SAMD12: variants seen among roughly 807,000 people sequenced by gnomAD.
The protein encoded by SAMD12 is sterile alpha motif domain-containing protein 12.
A neutral mutation model predicts 15.0 loss-of-function variants in SAMD12; 9 were observed. That is an observed-to-expected ratio of 0.60 (90% CI 0.36 to 1.05). The LOEUF is 1.05. Among genes scored for constraint, SAMD12 ranks in the 50% least tolerant of loss-of-function variants. SAMD12 has a pLI of 0.01. For synonymous variants in SAMD12, 86 were observed against 90.1 expected (o/e 0.96, Z 0.25); for missense variants, 230 against 234.2 (o/e 0.98, Z 0.12).
In SAMD12 at chr8:118,379,202, A is replaced by G. The variant is rs994187535; in HGVS notation, c.*215T>C. 2 of 1,374,298 alleles carry G rather than the reference A, an allele frequency of 1.5e-6. No homozygotes were observed. Among genetic ancestry groups the G allele is most frequent in the African/African-American group, 2.9e-5 (2 of 68,776 alleles). The allele number at this position is 1,374,298 out of a possible 1,614,324, so 85.1% of individuals were successfully genotyped here. A position where few individuals can be genotyped will look rare whatever the true frequency, so the allele number is the denominator to read the frequency against. Reference sequence around the variant, plus strand: ...GAAGATAGCTACAGCTGGACTGTACAGTTGTGCAGGCTGCACATTATACAA... The same window carrying G: ...GAAGATAGCTACAGCTGGACTGTACGGTTGTGCAGGCTGCACATTATACAA... On this transcript the variant is annotated 3_prime_UTR_variant, in exon 4 of 4. Transcript: ENST00000314727.
chr8:118,269,194 TTCTC>T lies in SAMD12; in HGVS notation c.434-71466_434-71463del, dbSNP rs762035151. ...CCTTTCACATTCTTCTTTGCTTTTG[TTCTC>T]TCTCTCTCTCTCTCTCTCTCTCTGT... is the stretch of plus-strand genomic sequence containing the variant. On this transcript the variant is annotated intron_variant, in intron 4 of 4. Transcript: ENST00000409003. Among the ~76,000 whole-genome samples, 190 of 138,540 alleles carry T rather than the reference TTCTC, an allele frequency of 1.4e-3. 1 individual carries two copies. The highest frequency in any genetic ancestry group is 1.6e-3 in the Non-Finnish European group (102 of 65,800). The allele number at this position is 138,540 out of a possible 152,430, so 90.9% of individuals were successfully genotyped here. A position where few individuals can be genotyped will look rare whatever the true frequency, so the allele number is the denominator to read the frequency against.
chr8:118,516,366 G>A (rs953749876), intron 2 of SAMD12, among the ~76,000 whole-genome samples: 7 of 152,146 alleles, frequency 4.6e-5, no homozygotes. Flanking sequence ...TCTCAATTTT[G>A]TATAACTTTT....
intron 2 of SAMD12, among the ~76,000 whole-genome samples, chr8:118,475,512 C>T (rs1293823056): frequency 6.6e-6 from 1 of 152,122 alleles, no homozygotes; most frequent in African/African-American, 2.4e-5. Context: ...CTAATATTAC[C>T]CCCATTTTAC....
At chr8:118,609,353 T>C (rs1828053305) in intron 1 of SAMD12, among the ~76,000 whole-genome samples, 2 of 152,318 alleles carry the variant, frequency 1.3e-5, no homozygotes, top group South Asian at 4.1e-4. Context: ...CGGTCTACTT[T>C]ATGAATTTTT....
intron 4 of SAMD12, among the ~76,000 whole-genome samples, chr8:118,233,027 G>T (rs1231893014): frequency 6.6e-6 from 1 of 152,160 alleles, no homozygotes; most frequent in Non-Finnish European, 1.5e-5. Flanking sequence ...GTGCGTTATT[G>T]CTCAGCTGGA....
At chr8:118,352,624 G>T (rs1659336249) in intron 4 of SAMD12, among the ~76,000 whole-genome samples, 1 of 152,198 alleles carries the variant, frequency 6.6e-6, no homozygotes, top group African/African-American at 2.4e-5. Flanking sequence ...AAAAGTGGTT[G>T]GTGGGGATCT....
chr8:118,154,212 CA>C, the SAMD12 span, among the ~76,000 whole-genome samples: 1 of 152,042 alleles, frequency 6.6e-6, no homozygotes, highest in African/African-American at 2.4e-5. Flanking sequence ...TCAAGGCACT[CA>C]AGGGCCTCCA....
chr8:118,554,340 A>G (rs923701616), intron 2 of SAMD12, among the ~76,000 whole-genome samples: 18 of 152,212 alleles, frequency 1.2e-4, no homozygotes, highest in African/African-American at 4.3e-4. Context: ...ACACCATGGA[A>G]TACTATGCAG....
chr8:118,470,413 G>C (rs140506305), intron 2 of SAMD12, among the ~76,000 whole-genome samples: 200 of 152,266 alleles, frequency 1.3e-3, no homozygotes, highest in African/African-American at 4.5e-3. Context: ...TTTTTCACTT[G>C]TACTTTCCTC....
chr8:118,607,359 C>T (rs552546957), intron 1 of SAMD12, among the ~76,000 whole-genome samples: 5 of 152,232 alleles, frequency 3.3e-5, no homozygotes, highest in Admixed American at 1.3e-4. Flanking sequence ...CCCCAGCCTC[C>T]CGAGTAGCTG....
chr8:118,150,105 A>T, the SAMD12 span, among the ~76,000 whole-genome samples: 1 of 152,206 alleles, frequency 6.6e-6, no homozygotes, highest in Non-Finnish European at 1.5e-5. Flanking sequence ...TGGTGAGTAG[A>T]GGCCAAGGAT....
At chr8:118,213,020 A>G (rs2514958) in intron 4 of SAMD12, among the ~76,000 whole-genome samples, 77,343 of 152,094 alleles carry the variant, frequency 0.51, 21,258 homozygotes, top group Non-Finnish European at 0.62. Flanking sequence ...ACGATGAAGC[A>G]TAAAAGGGTG....
chr8:118,306,815 T>A (rs1815373364), intron 4 of SAMD12, among the ~76,000 whole-genome samples: 1 of 152,194 alleles, frequency 6.6e-6, no homozygotes, highest in Non-Finnish European at 1.5e-5. Flanking sequence ...CCTTACTTCA[T>A]TAAAGCAAGG....
intron 4 of SAMD12, among the ~76,000 whole-genome samples, chr8:118,307,079 AAT>A (rs1280931743): frequency 1.3e-5 from 2 of 152,206 alleles, no homozygotes; most frequent in Admixed American, 1.3e-4. Flanking sequence ...CTTGGGTATT[AAT>A]AAAGTCAGTA....
chr8:118,430,034 G>A (rs1822350032), intron 3 of SAMD12, among the ~76,000 whole-genome samples: 1 of 152,088 alleles, frequency 6.6e-6, no homozygotes, highest in Admixed American at 6.5e-5. Flanking sequence ...CAAGATTTCT[G>A]TTATTTCTAC....
chr8:118,296,469 C>T (rs1156721562), intron 4 of SAMD12, among the ~76,000 whole-genome samples: 1 of 152,178 alleles, frequency 6.6e-6, no homozygotes, highest in African/African-American at 2.4e-5. Flanking sequence ...CTGTAATTCC[C>T]TATTTATTTC....
the SAMD12 span, among the ~76,000 whole-genome samples, chr8:118,183,179 G>A: frequency 6.6e-6 from 1 of 152,228 alleles, no homozygotes; most frequent in Non-Finnish European, 1.5e-5. Flanking sequence ...ATAAGTACTT[G>A]TAGAATAAAT....
intron 4 of SAMD12, among the ~76,000 whole-genome samples, chr8:118,280,984 T>C (rs1813619673): frequency 6.6e-6 from 1 of 152,226 alleles, no homozygotes; most frequent in African/African-American, 2.4e-5. Flanking sequence ...CTAATCATAG[T>C]CTTCGTAGAA....
intron 2 of SAMD12, among the ~76,000 whole-genome samples, chr8:118,531,657 G>A (rs1330698958): frequency 6.6e-6 from 1 of 152,100 alleles, no homozygotes; most frequent in African/African-American, 2.4e-5. Flanking sequence ...CTTGTAAGTT[G>A]GATTCTTAGG....
Sources: allele counts gnomAD v4.1 joint callset (sites outside exome capture counted in the v4.1 genomes callset), GRCh38; gene constraint gnomAD v4.1.1; transcripts MANE v1.5; gene names NCBI Gene and HGNC (gene_info 2026-07-23, HGNC 2026-07-21).